The following ZNF487 variants were observed in gnomAD, a reference collection of about 807,000 sequenced individuals.
ZNF487 encodes KRAB domain only 1.
Under a neutral mutation model 3.0 loss-of-function variants are expected in ZNF487, and 4 were observed. The ratio of observed to expected loss-of-function variants is 1.35; its 90% CI spans 0.66 to 3.08. The LOEUF is 3.08. ZNF487 is among the 30% of genes most tolerant of loss of function. The pLI, the probability that ZNF487 is intolerant of heterozygous loss-of-function variation, is 0.01. For synonymous variants in ZNF487, 55 were observed against 34.6 expected (o/e 1.59, Z -2.06); for missense variants, 146 against 98.7 (o/e 1.48, Z -2.03).
At chr10:43,464,517 C>T (rs1358225386) in intron 1 of ZNF487, among the ~76,000 whole-genome samples, 6 of 152,230 alleles carry the variant, frequency 3.9e-5, no homozygotes, top group South Asian at 4.1e-4. Context: ...GAGGACCCTG[C>T]GGCCTTCCGC....
intron 1 of ZNF487, among the ~76,000 whole-genome samples, chr10:43,463,245 AT>A (rs1435067790): frequency 6.9e-6 from 1 of 143,942 alleles, no homozygotes; most frequent in African/African-American, 2.6e-5. Flanking sequence ...AAAAAAAAAA[AT>A]TTTCTTTTTG....
intron 1 of ZNF487, among the ~76,000 whole-genome samples, chr10:43,450,180 A>G (rs543298712): frequency 6.6e-6 from 1 of 152,024 alleles, no homozygotes; most frequent in East Asian, 1.9e-4. Flanking sequence ...AGTACCTGGG[A>G]TTATTGGCAT....
chr10:43,450,406 G>A (rs1839965808), intron 1 of ZNF487, among the ~76,000 whole-genome samples: 1 of 152,088 alleles, frequency 6.6e-6, no homozygotes, highest in African/African-American at 2.4e-5. Flanking sequence ...AGGCTGGAGT[G>A]CAATGGTGAG....
downstream of ZNF487, among the ~76,000 whole-genome samples, chr10:43,486,060 A>G (rs556700591): frequency 2.6e-5 from 4 of 152,348 alleles, no homozygotes; most frequent in South Asian, 2.1e-4. Flanking sequence ...TGAAATGGAT[A>G]TGTTATGTTC....
chr10:43,480,399 C>A (rs1334162808), intron 3 of ZNF487, among the ~76,000 whole-genome samples: 1 of 151,418 alleles, frequency 6.6e-6, no homozygotes, highest in Non-Finnish European at 1.5e-5. Context: ...AGCCACCGCA[C>A]CTGGCCACTT....
the ZNF487 span, among the ~76,000 whole-genome samples, chr10:43,522,754 AT>A: frequency 6.6e-6 from 1 of 152,132 alleles, no homozygotes; most frequent in Non-Finnish European, 1.5e-5. Flanking sequence ...AATAAAAAAA[AT>A]AAAAACAAAG....
intron 1 of ZNF487, among the ~76,000 whole-genome samples, chr10:43,443,061 C>CT (rs34420531): frequency 0.75 from 90,409 of 119,762 alleles, 34,495 homozygotes; most frequent in African/African-American, 0.78. Flanking sequence ...CTCGTTCTAG[C>CT]TTTTTTTTTT....
At chr10:43,488,946 G>T in the ZNF487 span, among the ~76,000 whole-genome samples, 18 of 149,636 alleles carry the variant, frequency 1.2e-4, no homozygotes, top group Non-Finnish European at 1.5e-5. Context: ...GCAAAATCCT[G>T]TCTCTACAAA....
At chr10:43,510,552 TG>T in the ZNF487 span, among the ~76,000 whole-genome samples, 10 of 152,192 alleles carry the variant, frequency 6.6e-5, no homozygotes, top group Admixed American at 5.9e-4. Context: ...CCCTTTTTTT[TG>T]TTTGTTTTTT....
the ZNF487 span, among the ~76,000 whole-genome samples, chr10:43,512,887 A>G: frequency 0.73 from 111,526 of 152,150 alleles, 42,012 homozygotes; most frequent in East Asian, 0.93. Flanking sequence ...GGTTGAAGGA[A>G]TGGTCAAATG....
At chr10:43,443,948 G>A (rs934927726) in intron 1 of ZNF487, among the ~76,000 whole-genome samples, 2 of 151,424 alleles carry the variant, frequency 1.3e-5, no homozygotes, top group African/African-American at 4.9e-5. Context: ...TGCCTCCCGG[G>A]TTCAAGCGAT....
At chr10:43,494,867 G>T in the ZNF487 span, among the ~76,000 whole-genome samples, 1 of 147,980 alleles carries the variant, frequency 6.8e-6, no homozygotes, top group South Asian at 2.2e-4. Flanking sequence ...GACCTGGGAG[G>T]CAGAGGTTGC....
chr10:43,437,764 T>C (rs911435072), intron 1 of ZNF487, among the ~76,000 whole-genome samples: 8 of 152,194 alleles, frequency 5.3e-5, no homozygotes, highest in African/African-American at 1.9e-4. Flanking sequence ...CCGGAAATTT[T>C]CTTTTTTTCT....
chr10:43,477,379 G>C (rs1440687957), intron 3 of ZNF487, among the ~76,000 whole-genome samples: 10 of 151,782 alleles, frequency 6.6e-5, no homozygotes, highest in Non-Finnish European at 7.4e-5. Flanking sequence ...ATTTTTAGTA[G>C]AGATGGGGTT....
intron 1 of ZNF487, among the ~76,000 whole-genome samples, chr10:43,450,044 G>C (rs976178902): frequency 3.3e-5 from 5 of 151,798 alleles, no homozygotes; most frequent in Non-Finnish European, 7.4e-5. Flanking sequence ...TCAGTTATTG[G>C]AAAACTTTTT....
the ZNF487 span, among the ~76,000 whole-genome samples, chr10:43,515,315 T>A: frequency 1.3e-5 from 2 of 152,178 alleles, no homozygotes. Context: ...GGGTGGCTCC[T>A]GAGGAAAATC....
At chr10:43,485,196 A>C (rs1188972821), downstream of ZNF487, among the ~76,000 whole-genome samples, 1 of 152,224 alleles carries the variant, frequency 6.6e-6, no homozygotes, top group Admixed American at 6.5e-5. Flanking sequence ...TGTTATTATC[A>C]GCTTTATTTA....
the ZNF487 span, among the ~76,000 whole-genome samples, chr10:43,509,668 A>G: frequency 1.3e-5 from 2 of 151,970 alleles, no homozygotes; most frequent in Non-Finnish European, 2.9e-5. Context: ...AGGCTAGGCC[A>G]GTCTCTCTTT....
chr10:43,511,605 A>G, the ZNF487 span, among the ~76,000 whole-genome samples: 1 of 152,162 alleles, frequency 6.6e-6, no homozygotes, highest in Non-Finnish European at 1.5e-5. Flanking sequence ...CTCTGCTGCT[A>G]GCAAATAGGG....
Sources: allele counts gnomAD v4.1 joint callset (sites outside exome capture counted in the v4.1 genomes callset), GRCh38; gene constraint gnomAD v4.1.1; transcripts MANE v1.5; gene names NCBI Gene and HGNC (gene_info 2026-07-23, HGNC 2026-07-21).